P3H4: variants seen among roughly 807,000 people sequenced by gnomAD.
P3H4 encodes endoplasmic reticulum protein SC65.
A neutral mutation model predicts 52.9 loss-of-function variants in P3H4; 47 were observed. The ratio of observed to expected loss-of-function variants is 0.89; its 90% CI spans 0.70 to 1.13. The LOEUF (loss-of-function observed/expected upper bound fraction) is 1.13, where lower values mean the gene tolerates loss of function less well. Ranked by LOEUF, P3H4 falls within the 50% of genes most tolerant of loss-of-function variation. The probability of loss-of-function intolerance (pLI) is 0.00; values close to 1 mark genes in which losing one functional copy is unlikely to be tolerated. For synonymous variants in P3H4, 256 were observed against 267.9 expected, an observed-to-expected ratio of 0.96 and a Z score of 0.44; for missense variants, 585 against 611.0, an observed-to-expected ratio of 0.96 and a Z score of 0.45.
At position 41,803,351 on chromosome 17, in the gene P3H4, G is replaced by A. The variant is rs144212532; in HGVS notation, c.1227C>T (p.Tyr409=). 166 of 1,613,870 alleles carry A rather than the reference G, an allele frequency of 1.0e-4. No homozygotes were observed. The highest frequency in any genetic ancestry group is 1.4e-4 in the Non-Finnish European group (162 of 1,179,970). The change falls in exon 7 of 8, where the codon TAC becomes TAT. Residue 409 remains tyrosine, a synonymous_variant. Coordinates refer to ENST00000393928, the MANE Select transcript of P3H4 (RefSeq NM_006455.3). ...SDAEFEGEGD[Y]EEGMYADWWQ... The stretch of plus-strand genomic sequence containing the variant: ...ACCAGTCAGCATACATGCCCTCCTC[G>A]TAGTCACCCTCCCCCTCAAACTCGG...
Position 41,811,397 on chromosome 17 carries a change from G to T in P3H4, c.462+57C>A. On this transcript the variant is annotated intron_variant, in intron 1 of 7. Transcript: ENST00000393928. This position sits in a 1 kb window ranked among gnomAD's most constrained non-coding sequence, Gnocchi z 4.8. ...AAGATAACGCTCCTTCGACCGATCT[G>T]TGGGGAGCCACGACGCCCAGCCCGA... is the stretch of plus-strand genomic sequence containing the variant. The T allele has an allele frequency of 1.9e-6, 3 of 1,607,380 alleles. No homozygotes were observed. The highest frequency in any genetic ancestry group is 1.7e-6 in the Non-Finnish European group (2 of 1,175,984).
intron 5 of P3H4, 128 bp from the exon 6 acceptor site, chr17:41,807,007 C>T: frequency 3.0e-6 from 2 of 676,162 alleles, no homozygotes. Context: ...TAGGTATCAG[C>T]TCACAAGCTC....
Position 41,803,380 on chromosome 17 carries a change from C to A in P3H4, c.1198G>T (p.Asp400Tyr). ...PPLEPEDALS[D>Y]AEFEGEGDYE... is the part of the protein sequence containing the mutation. ...TCACCCTCCCCCTCAAACTCGGCGT[C>A]AGATAGGGCATCCTCAGGCTCCAGG... The change falls in exon 7 of 8, where the codon GAC becomes TAC. Residue 400 changes from aspartate to tyrosine, a missense_variant. By Grantham distance (160) the Asp-to-Tyr change is radical. Transcript: ENST00000393928. The A allele has an allele frequency of 6.2e-7, 1 of 1,613,946 alleles. No individual in the cohort carries two copies. Among genetic ancestry groups the A allele is most frequent in the Non-Finnish European group, 8.5e-7 (1 of 1,179,934 alleles).
chr17:41,805,793 T>C (rs1486185623), intron 6 of P3H4, among the ~76,000 whole-genome samples: 1 of 152,058 alleles, frequency 6.6e-6, no homozygotes, highest in East Asian at 1.9e-4. Flanking sequence ...GTGCTGACGG[T>C]GTAGATTCTG....
At chr17:41,810,169 CTTTTTTTTTTTTTTT>C (rs71155170) in intron 3 of P3H4, among the ~76,000 whole-genome samples, 1 of 116,920 alleles carries the variant, frequency 8.6e-6, no homozygotes, top group Admixed American at 8.7e-5. Flanking sequence ...AAAGGACAGT[CTTTTTTTTTTTTTTT>C]TTTTTTTGAG....
chr17:41,804,168 G>A (rs1597893571), intron 6 of P3H4, among the ~76,000 whole-genome samples: 1 of 151,810 alleles, frequency 6.6e-6, no homozygotes, highest in Non-Finnish European at 1.5e-5. Flanking sequence ...AGCCAGGATG[G>A]TCTCAATCTT....
Position 41,803,242 on chromosome 17 carries a change from C to T in P3H4, c.1291+45G>A, listed in dbSNP as rs782668186. ...GGTGAATGCATCTGTCCCCAACCTC[C>T]ATCCCAGGCTGCATCCCCACCCCCC... is the stretch of plus-strand genomic sequence containing the variant. On this transcript the variant is annotated intron_variant, in intron 7 of 7. Transcript: ENST00000393928. The T allele has an allele frequency of 1.9e-6, 3 of 1,587,740 alleles. No homozygotes were observed. The African/African-American group carries it at 4.0e-5, about 21-fold the overall frequency.
rs1207200573 is a variant in P3H4, at chr17:41,811,549, G to A, written c.367C>T (p.Leu123=). 2 of 1,609,282 alleles carry A rather than the reference G, an allele frequency of 1.2e-6. No homozygotes were observed. The highest frequency in any genetic ancestry group is 2.7e-5 in the African/African-American group (2 of 74,838). Reference sequence around the variant, plus strand: ...GGGTAGGGCACCTGGAAGGCGGGCAGCGTCCGCTTGCAGCGCCGCAGGCAG... The same window carrying A: ...GGGTAGGGCACCTGGAAGGCGGGCAACGTCCGCTTGCAGCGCCGCAGGCAG... ...AACLRRCKRT[L]PAFQVPYPPR... is the part of the protein sequence containing the mutation. The change falls in exon 1 of 8, where the codon CTG becomes TTG. Residue 123 remains leucine, a synonymous_variant. Transcript: ENST00000393928. The surrounding 1 kb of genome is among the most constrained non-coding windows in gnomAD (Gnocchi z 4.8).
At position 41,805,498 on chromosome 17, in the gene P3H4, T is replaced by C. The variant is rs564052116; in HGVS notation, c.1146+1298A>G. 5.3e-5 allele frequency among the ~76,000 whole-genome samples: 8 copies of C among 151,902 alleles called. No individual in the cohort carries two copies. In the South Asian group the frequency reaches 1.7e-3, roughly 32 times the overall value. On this transcript the variant is annotated intron_variant, in intron 6 of 7. Coordinates refer to ENST00000393928, the MANE Select transcript of P3H4 (RefSeq NM_006455.3). ...CACCACCACACCTGAGTAATTTTTG[T>C]ATTTTTAATAGAGACAGGGTTTCAC...
chr17:41,810,763 T>C, intron 3 of P3H4, 100 bp downstream of exon 3: 1 of 1,419,742 alleles, frequency 7.0e-7, no homozygotes, highest in Non-Finnish European at 9.5e-7. Context: ...CCCGGCTGGC[T>C]CCTCCGCATT....
At chr17:41,808,251 A>G (rs1396916428) in intron 4 of P3H4, among the ~76,000 whole-genome samples, 2 of 152,142 alleles carry the variant, frequency 1.3e-5, no homozygotes, top group African/African-American at 2.4e-5. Context: ...GTCTCACTCT[A>G]TCACCCTGGC....
intron 5 of P3H4, 63 bp from the exon 6 acceptor site, chr17:41,806,942 C>T: frequency 2.2e-6 from 3 of 1,334,696 alleles, no homozygotes; most frequent in Non-Finnish European, 3.2e-6. Context: ...GGCAAGAAGC[C>T]AGGGCTCCTA....
chr17:41,810,169 CTTTTTTTT>C (rs71155170), intron 3 of P3H4, among the ~76,000 whole-genome samples: 1 of 116,920 alleles, frequency 8.6e-6, no homozygotes, highest in African/African-American at 3.3e-5. Context: ...AAAGGACAGT[CTTTTTTTT>C]TTTTTTTTTT....
chr17:41,803,374 CGGCGTCAGATAGGGCATCCTCA>C lies in P3H4; in HGVS notation c.1182_1203del (p.Glu395SerfsTer81). 1 of 1,613,946 alleles carries C rather than the reference CGGCGTCAGATAGGGCATCCTCA, an allele frequency of 6.2e-7. No individual in the cohort carries two copies. The highest frequency in any genetic ancestry group is 8.5e-7 in the Non-Finnish European group (1 of 1,179,920). On this transcript the variant is annotated frameshift_variant, in exon 7 of 8. Coordinates refer to ENST00000393928, the MANE Select transcript of P3H4 (RefSeq NM_006455.3). LOFTEE classifies it high-confidence loss of function. ...TCGTAGTCACCCTCCCCCTCAAACT[CGGCGTCAGATAGGGCATCCTCA>C]GGCTCCAGGGGCGGTTCTGTCTCCT...
intron 5 of P3H4, 23 bp from the exon 6 acceptor site, chr17:41,806,902 T>TG: frequency 6.2e-7 from 1 of 1,600,168 alleles, no homozygotes; most frequent in Non-Finnish European, 8.5e-7. Context: ...AAGGACGGGG[T>TG]GGGGGGTGAG....
Position 41,811,171 on chromosome 17 carries a change from G to C in P3H4, c.576C>G (p.Ala192=). The C allele has an allele frequency of 1.2e-6, 2 of 1,614,190 alleles. No homozygotes were observed. Among genetic ancestry groups the C allele is most frequent in the Non-Finnish European group, 1.7e-6 (2 of 1,180,034 alleles). ...CCTCTAGGTCCGTGAGGGACTCGTC[G>C]GCGACGTCCAGCATCCCCTGATAGT... is the stretch of plus-strand genomic sequence containing the variant. The part of the protein sequence containing the change: ...LNYYQGMLDV[A]DESLTDLEAQ... Residue 192 remains alanine (A), a synonymous_variant, in exon 2 of 8, where the codon GCC becomes GCG. Transcript: ENST00000393928. The surrounding 1 kb of genome is among the most constrained non-coding windows in gnomAD (Gnocchi z 4.8).
intron 5 of P3H4, 42 bp downstream of exon 5, chr17:41,807,817 C>G: frequency 6.3e-7 from 1 of 1,577,996 alleles, no homozygotes; most frequent in Non-Finnish European, 8.6e-7. Flanking sequence ...TCATTTTTTA[C>G]AAAGTGCATA....
In P3H4 at chr17:41,811,795, C is replaced by G; in HGVS notation, c.121G>C (p.Gly41Arg). The G allele has an allele frequency of 2.0e-6, 3 of 1,535,558 alleles. No individual in the cohort carries two copies. Among genetic ancestry groups the G allele is most frequent in the Non-Finnish European group, 2.6e-6 (3 of 1,152,708 alleles). Residue 41 changes from glycine to arginine, a missense_variant, in exon 1 of 8, where the codon GGG becomes CGG. Transcript: ENST00000393928. The surrounding 1 kb of genome is among the most constrained non-coding windows in gnomAD (Gnocchi z 4.8). Reference sequence around the variant, plus strand: ...CCCTCGTACTGCTCCAGAGCGTGCCCGTACGCCGCGGCCAGCGGCATCAGG... The same window carrying G: ...CCCTCGTACTGCTCCAGAGCGTGCCGGTACGCCGCGGCCAGCGGCATCAGG... The part of the protein sequence containing the change: ...EDLMPLAAAY[G>R]HALEQYEGES...
chr17:41,808,525 C>T (rs2047697906), intron 4 of P3H4, among the ~76,000 whole-genome samples: 1 of 152,016 alleles, frequency 6.6e-6, no homozygotes, highest in Non-Finnish European at 1.5e-5. Flanking sequence ...GTAGCTGGGA[C>T]TACAGGCACG....
Sources: allele counts gnomAD v4.1 joint callset (sites outside exome capture counted in the v4.1 genomes callset), GRCh38; gene constraint gnomAD v4.1.1; non-coding constraint Gnocchi (gnomAD v3.1); transcripts MANE v1.5; gene names NCBI Gene and HGNC (gene_info 2026-07-23, HGNC 2026-07-21).